SLIT3: variants seen among roughly 807,000 people sequenced by gnomAD.
The protein encoded by SLIT3 is slit homolog 3 protein.
Under a neutral mutation model 184.0 loss-of-function variants are expected in SLIT3, and 68 were observed. That is an observed-to-expected ratio of 0.37 (90% CI 0.30 to 0.45). The LOEUF is 0.45. SLIT3 is among the 20% of genes least tolerant of loss of function. The pLI is 1.00. For missense variants in SLIT3, 1,707 were observed against 2,026.0 expected (o/e 0.84, Z 3.02); for synonymous variants, 831 against 828.6 (o/e 1.00, Z -0.05).
chr5:169,028,244 G>GGA (rs1561617394), intron 4 of SLIT3, among the ~76,000 whole-genome samples: 2 of 147,798 alleles, frequency 1.4e-5, no homozygotes, highest in African/African-American at 4.9e-5. Flanking sequence ...TTAGTGATGG[G>GGA]AAAAAAAAAA....
At chr5:169,248,101 T>A (rs966698460) in intron 2 of SLIT3, among the ~76,000 whole-genome samples, 2 of 152,090 alleles carry the variant, frequency 1.3e-5, no homozygotes, top group Non-Finnish European at 1.5e-5. Flanking sequence ...ACAGCTTCTG[T>A]CAAGCAGTCC....
chr5:169,246,950 G>T (rs780415137), intron 2 of SLIT3, among the ~76,000 whole-genome samples: 48 of 123,734 alleles, frequency 3.9e-4, no homozygotes, highest in Non-Finnish European at 6.9e-4. Context: ...AAAAAAAAAG[G>T]CTGGGCACAG....
intron 8 of SLIT3, among the ~76,000 whole-genome samples, chr5:168,809,070 T>G (rs1757081852): frequency 6.6e-6 from 1 of 152,152 alleles, no homozygotes; most frequent in South Asian, 2.1e-4. Flanking sequence ...GAATGGGGTG[T>G]GTTGGAAAAG....
At chr5:169,145,546 C>A (rs751402646) in intron 4 of SLIT3, among the ~76,000 whole-genome samples, 3 of 152,166 alleles carry the variant, frequency 2.0e-5, no homozygotes, top group Non-Finnish European at 4.4e-5. Flanking sequence ...AGCTAAGGGG[C>A]CCAGCCACAT....
At position 168,983,607 on chromosome 5, in the gene SLIT3, C is replaced by A. The variant is rs186718391; in HGVS notation, c.414-100271G>T. ...GCAAAATCACATAAGTGGCTCTGTGCCTCAATTTCCTCATGTGCAAAATGG... is the reference window on the plus strand; with the variant it reads ...GCAAAATCACATAAGTGGCTCTGTGACTCAATTTCCTCATGTGCAAAATGG... On this transcript the variant is annotated intron_variant, in intron 4 of 35. Coordinates refer to ENST00000519560, the MANE Select transcript of SLIT3 (RefSeq NM_003062.4). 1.7e-3 allele frequency among the ~76,000 whole-genome samples: 264 copies of A among 152,252 alleles called. No individual in the cohort carries two copies. In the South Asian group the frequency reaches 0.025, roughly 15 times the overall value.
intron 4 of SLIT3, among the ~76,000 whole-genome samples, chr5:169,101,929 C>T (rs1209908206): frequency 6.6e-6 from 1 of 152,216 alleles, no homozygotes; most frequent in African/African-American, 2.4e-5. Context: ...CCCTCTACTC[C>T]AGACTGGATA....
At chr5:169,233,426 T>C (rs1437604942) in intron 3 of SLIT3, among the ~76,000 whole-genome samples, 2 of 151,736 alleles carry the variant, frequency 1.3e-5, no homozygotes, top group Admixed American at 6.6e-5. Flanking sequence ...TTTTGGTGTA[T>C]TGACCTTGTG....
At chr5:169,200,584 C>G (rs1763879093) in intron 3 of SLIT3, among the ~76,000 whole-genome samples, 1 of 152,198 alleles carries the variant, frequency 6.6e-6, no homozygotes, top group Non-Finnish European at 1.5e-5. Flanking sequence ...CAGAACCAAA[C>G]TTCACAGGCC....
At position 168,739,577 on chromosome 5, in the gene SLIT3, C is replaced by G. The variant is rs540284153; in HGVS notation, c.2270+8725G>C. On this transcript the variant is annotated intron_variant, in intron 20 of 35. Coordinates refer to ENST00000519560, the MANE Select transcript of SLIT3 (RefSeq NM_003062.4). Reference sequence around the variant, plus strand: ...TCAAGTGATTCTCCTGCCTCACCCTCCCAAGTAGCTGGGATTACAGGCGCC... The same window carrying G: ...TCAAGTGATTCTCCTGCCTCACCCTGCCAAGTAGCTGGGATTACAGGCGCC... Among the ~76,000 whole-genome samples, 4 of 152,200 alleles carry G rather than the reference C, an allele frequency of 2.6e-5. No homozygotes were observed. In the East Asian group the frequency reaches 7.7e-4, roughly 29 times the overall value.
intron 4 of SLIT3, among the ~76,000 whole-genome samples, chr5:169,131,694 T>C (rs1174433809): frequency 1.3e-5 from 2 of 152,232 alleles, no homozygotes; most frequent in African/African-American, 2.4e-5. Flanking sequence ...TCTGTACTTC[T>C]TACTATCCTC....
At chr5:168,861,782 TG>T (rs1206336232) in intron 5 of SLIT3, among the ~76,000 whole-genome samples, 1 of 152,154 alleles carries the variant, frequency 6.6e-6, no homozygotes, top group African/African-American at 2.4e-5. Context: ...TGGACCCAAA[TG>T]GAAGTTCAGT....
chr5:168,786,098 A>G (rs952046917), intron 11 of SLIT3, 120 bp from the exon 12 acceptor site: 2 of 685,638 alleles, frequency 2.9e-6, no homozygotes, highest in African/African-American at 3.5e-5. Context: ...AACCCCTTCC[A>G]CGGCCTGCCT....
intron 1 of SLIT3, among the ~76,000 whole-genome samples, chr5:169,257,862 C>T (rs982235284): frequency 1.3e-5 from 2 of 151,396 alleles, no homozygotes; most frequent in Non-Finnish European, 2.9e-5. Flanking sequence ...GCCTTCCATG[C>T]TTTCTTCTTC....
At chr5:169,102,021 G>T (rs972434467) in intron 4 of SLIT3, among the ~76,000 whole-genome samples, 3 of 152,196 alleles carry the variant, frequency 2.0e-5, no homozygotes, top group Non-Finnish European at 4.4e-5. Context: ...AACAGAATGT[G>T]AGTTCCTTGA....
intron 4 of SLIT3, among the ~76,000 whole-genome samples, chr5:168,999,853 T>C (rs1755642567): frequency 6.6e-6 from 1 of 152,154 alleles, no homozygotes; most frequent in African/African-American, 2.4e-5. Flanking sequence ...GGAAGACCCA[T>C]GCAAAAGTGG....
chr5:168,997,280 CT>C (rs2113407252), intron 4 of SLIT3, among the ~76,000 whole-genome samples: 1 of 152,252 alleles, frequency 6.6e-6, no homozygotes, highest in East Asian at 1.9e-4. Flanking sequence ...GGGGCAAACA[CT>C]TCGACTGAGA....
Position 168,749,624 on chromosome 5 carries a change from G to A in SLIT3, c.1985C>T (p.Ser662Phe). Residue 662 changes from serine (S) to phenylalanine (F), a missense_variant, in exon 19 of 36, where the codon TCC becomes TTC. Transcript: ENST00000519560. ...GTGGCAGTTGCAGTTGAAGGGGTTG[G>A]ACAGGAGGTTTCTAGGAAGAGAGAA... is the stretch of plus-strand genomic sequence containing the variant. ...LVSLSTINLL[S>F]NPFNCNCHLA... is the part of the protein sequence containing the mutation. The A allele has an allele frequency of 6.2e-7, 1 of 1,614,168 alleles. No individual in the cohort carries two copies. Among genetic ancestry groups the A allele is most frequent in the African/African-American group, 1.3e-5 (1 of 75,060 alleles).
At chr5:169,172,887 T>C (rs764781364) in intron 4 of SLIT3, among the ~76,000 whole-genome samples, 1 of 152,208 alleles carries the variant, frequency 6.6e-6, no homozygotes, top group Non-Finnish European at 1.5e-5. Context: ...AATAATAGTT[T>C]GCTGGGGAAG....
chr5:169,040,664 C>T (rs573664023), intron 4 of SLIT3, among the ~76,000 whole-genome samples: 12 of 152,324 alleles, frequency 7.9e-5, no homozygotes, highest in Admixed American at 7.8e-4. Context: ...CTCCTCCATT[C>T]CCCTATGGAA....
Sources: allele counts gnomAD v4.1 joint callset (sites outside exome capture counted in the v4.1 genomes callset), GRCh38; gene constraint gnomAD v4.1.1; transcripts MANE v1.5; gene names NCBI Gene and HGNC (gene_info 2026-07-23, HGNC 2026-07-21).